DTNB: variants seen among roughly 807,000 people sequenced by gnomAD.
The protein encoded by DTNB is dystrobrevin beta.
Under a neutral mutation model 90.7 loss-of-function variants are expected in DTNB, and 63 were observed. That is an observed-to-expected ratio of 0.69 (90% CI 0.57 to 0.86). The LOEUF is 0.86. Ranked by LOEUF, DTNB falls within the 40% of genes least tolerant of loss-of-function variation. The pLI is 0.00. For missense variants in DTNB, 744 were observed against 807.1 expected (o/e 0.92, Z 0.95); for synonymous variants, 277 against 286.7 (o/e 0.97, Z 0.34).
chr2:25,549,054 A>C (rs1335526387), intron 8 of DTNB, among the ~76,000 whole-genome samples: 1 of 152,060 alleles, frequency 6.6e-6, no homozygotes, highest in African/African-American at 2.4e-5. Flanking sequence ...TCTCATGTTA[A>C]TATTTTGTAA....
chr2:25,538,117 TCATGCCTATAATGCCA>T (rs1247250507), intron 8 of DTNB, among the ~76,000 whole-genome samples: 1 of 152,142 alleles, frequency 6.6e-6, no homozygotes, highest in Non-Finnish European at 1.5e-5. Context: ...GCATGGTGGC[TCATGCCTATAATGCCA>T]GCACTTTGGG....
chr2:25,598,889 T>C (rs2065220367), intron 5 of DTNB: 1 of 151,740 alleles, frequency 6.6e-6, no homozygotes. Flanking sequence ...AAAGACTGAA[T>C]AGGAAGAGTA....
chr2:25,554,620 C>T (rs2056958321), intron 8 of DTNB, among the ~76,000 whole-genome samples: 1 of 152,122 alleles, frequency 6.6e-6, no homozygotes, highest in African/African-American at 2.4e-5. Flanking sequence ...CCAGAAAATC[C>T]ACTGAAGCTG....
At chr2:25,504,444 G>C (rs1389486532) in intron 9 of DTNB, among the ~76,000 whole-genome samples, 1 of 145,528 alleles carries the variant, frequency 6.9e-6, no homozygotes, top group South Asian at 2.2e-4. Context: ...AGGAAAGAGA[G>C]AAGGAAAGAA....
At chr2:25,530,061 A>G (rs2077866581) in intron 9 of DTNB, among the ~76,000 whole-genome samples, 1 of 152,234 alleles carries the variant, frequency 6.6e-6, no homozygotes, top group African/African-American at 2.4e-5. Context: ...AAATGGTGAT[A>G]TAATTATGAA....
At chr2:25,499,832 A>T (rs1277507464) in intron 9 of DTNB, among the ~76,000 whole-genome samples, 3 of 152,204 alleles carry the variant, frequency 2.0e-5, no homozygotes, top group Non-Finnish European at 4.4e-5. Flanking sequence ...TTGCTCAACA[A>T]ATATTAGTTC....
intron 1 of DTNB, among the ~76,000 whole-genome samples, chr2:25,666,267 T>C (rs978759085): frequency 1.3e-5 from 2 of 152,158 alleles, no homozygotes; most frequent in Non-Finnish European, 2.9e-5. Flanking sequence ...ATTCTTGACA[T>C]GTTAAAGAAG....
chr2:25,399,970 C>T (rs2149636033), intron 16 of DTNB, among the ~76,000 whole-genome samples: 1 of 152,280 alleles, frequency 6.6e-6, no homozygotes, highest in African/African-American at 2.4e-5. Flanking sequence ...GTCCCAGCAG[C>T]ATCTCGGTCA....
intron 9 of DTNB, among the ~76,000 whole-genome samples, chr2:25,526,390 TATATA>T (rs1384750176): frequency 0.015 from 1,004 of 66,276 alleles, 21 homozygotes; most frequent in African/African-American, 0.052. Context: ...TATATATATA[TATATA>T]TTTTTTTTTT....
At chr2:25,629,277 AG>A (rs1292872212) in intron 3 of DTNB, among the ~76,000 whole-genome samples, 4 of 152,252 alleles carry the variant, frequency 2.6e-5, no homozygotes, top group African/African-American at 9.6e-5. Context: ...TTTCAAGTAA[AG>A]GAAATCTGAA....
intron 6 of DTNB, among the ~76,000 whole-genome samples, chr2:25,586,863 G>C (rs533034295): frequency 3.3e-5 from 5 of 152,244 alleles, no homozygotes; most frequent in Non-Finnish European, 5.9e-5. Context: ...CTCAAAACAG[G>C]TTACTCAAAA....
At chr2:25,631,938 T>C (rs2075837796) in intron 3 of DTNB, among the ~76,000 whole-genome samples, 1 of 152,186 alleles carries the variant, frequency 6.6e-6, no homozygotes, top group Admixed American at 6.5e-5. Context: ...CTCAAGCCTG[T>C]AATCCCAGCA....
intron 8 of DTNB, among the ~76,000 whole-genome samples, chr2:25,561,752 T>C (rs974785299): frequency 3.9e-5 from 6 of 152,190 alleles, no homozygotes; most frequent in Non-Finnish European, 5.9e-5. Context: ...CCTTCCACCA[T>C]GATTGTAAAC....
chr2:25,464,693 T>G (rs1022392751), intron 10 of DTNB, among the ~76,000 whole-genome samples: 1 of 152,168 alleles, frequency 6.6e-6, no homozygotes, highest in African/African-American at 2.4e-5. Flanking sequence ...GAGACCAAGA[T>G]TCCCATCAGC....
At chr2:25,470,821 T>A (rs1268502716) in intron 10 of DTNB, among the ~76,000 whole-genome samples, 1 of 152,166 alleles carries the variant, frequency 6.6e-6, no homozygotes, top group Non-Finnish European at 1.5e-5. Flanking sequence ...ATGTTACTCT[T>A]CTCTAATGTG....
chr2:25,608,278 T>TA (rs1430797860), intron 4 of DTNB, among the ~76,000 whole-genome samples: 1 of 152,222 alleles, frequency 6.6e-6, no homozygotes, highest in Non-Finnish European at 1.5e-5. Context: ...ATGGTTCTAA[T>TA]ACAGTGTTTC....
At chr2:25,475,613 C>T (rs1274410463) in intron 10 of DTNB, among the ~76,000 whole-genome samples, 1 of 152,198 alleles carries the variant, frequency 6.6e-6, no homozygotes, top group Non-Finnish European at 1.5e-5. Flanking sequence ...TGAGATGAAA[C>T]CGGCTTCTAT....
At chr2:25,467,198 A>G (rs2150260847) in intron 10 of DTNB, among the ~76,000 whole-genome samples, 1 of 152,340 alleles carries the variant, frequency 6.6e-6, no homozygotes. Context: ...TCTAAATTTC[A>G]AAGGGGCCAA....
chr2:25,536,171 C>G (rs2079685103), intron 8 of DTNB, among the ~76,000 whole-genome samples: 1 of 150,868 alleles, frequency 6.6e-6, no homozygotes, highest in African/African-American at 2.4e-5. Context: ...ATGCTCCTCA[C>G]TTCCTAGATG....
Sources: allele counts gnomAD v4.1 joint callset (sites outside exome capture counted in the v4.1 genomes callset), GRCh38; gene constraint gnomAD v4.1.1; transcripts MANE v1.5; gene names NCBI Gene and HGNC (gene_info 2026-07-23, HGNC 2026-07-21).